Variants in CERT1 observed in about 807,000 individuals in gnomAD.
CERT1 encodes ceramide transporter 1.
CERT1 carries 31 observed loss-of-function variants against 87.9 expected under a neutral mutation model. The observed-to-expected ratio is 0.35, with a 90% CI of 0.27 to 0.48. The LOEUF is 0.48. Ranked by LOEUF, CERT1 falls within the 20% of genes least tolerant of loss-of-function variation. CERT1 has a pLI of 0.99. For synonymous variants in CERT1, 289 were observed against 250.9 expected, an observed-to-expected ratio of 1.15 and a Z score of -1.44; for missense variants, 487 against 758.0, an observed-to-expected ratio of 0.64 and a Z score of 4.20.
chr5:75,464,862 G>A (rs1326757384), intron 2 of CERT1, among the ~76,000 whole-genome samples: 2 of 152,176 alleles, frequency 1.3e-5, no homozygotes. Context: ...AGAGGCATGA[G>A]CCACCGCAAG....
intron 3 of CERT1, among the ~76,000 whole-genome samples, chr5:75,432,168 CA>C (rs1214139065): frequency 2.0e-5 from 3 of 152,028 alleles, no homozygotes; most frequent in Non-Finnish European, 4.4e-5. Flanking sequence ...TCTCTCGCCT[CA>C]GCCTCCTGAA....
chr5:75,488,430 T>G (rs1263189764), intron 2 of CERT1, among the ~76,000 whole-genome samples: 1 of 152,094 alleles, frequency 6.6e-6, no homozygotes, highest in Non-Finnish European at 1.5e-5. Flanking sequence ...AAAGATTTAC[T>G]TTTATATAGA....
Position 75,506,123 on chromosome 5 carries a change from G to A in CERT1, c.97-7C>T. 1.9e-6 allele frequency: 3 copies of A among 1,612,030 alleles called. No individual in the cohort carries two copies. Among genetic ancestry groups the A allele is most frequent in the Non-Finnish European group, 2.5e-6 (3 of 1,178,796 alleles). On this transcript the variant is annotated splice_polypyrimidine_tract_variant and splice_region_variant and intron_variant, in intron 1 of 16. Transcript: ENST00000643780. ...CATGAATGTAGTTTGTCCACTGGGA[G>A]TGGGAAGGGGAAGGGAAGAGAGAAG...
chr5:75,427,116 C>G (rs984276445), intron 3 of CERT1, among the ~76,000 whole-genome samples: 4 of 152,134 alleles, frequency 2.6e-5, no homozygotes, highest in Admixed American at 2.6e-4. Context: ...TCTGTTAAGT[C>G]AGCATCCCAT....
chr5:75,412,770 G>C (rs1474591349), intron 7 of CERT1, among the ~76,000 whole-genome samples: 1 of 152,156 alleles, frequency 6.6e-6, no homozygotes, highest in Non-Finnish European at 1.5e-5. Context: ...CTTATGAATG[G>C]AGCTTGCAGG....
At chr5:75,381,328 C>T (rs766212483) in intron 15 of CERT1, 127 bp from the exon 16 acceptor site, 154 of 1,050,864 alleles carry the variant, frequency 1.5e-4, no homozygotes, top group Middle Eastern at 5.0e-4. Flanking sequence ...CTTATAAGCA[C>T]CAAGCTGATA....
intron 3 of CERT1, among the ~76,000 whole-genome samples, chr5:75,455,377 A>G (rs1174708240): frequency 6.6e-6 from 1 of 152,234 alleles, no homozygotes; most frequent in Non-Finnish European, 1.5e-5. Context: ...AGAATCCCGA[A>G]GCACAGATTT....
chr5:75,452,598 T>TA (rs1228668565), intron 3 of CERT1, among the ~76,000 whole-genome samples: 1 of 152,052 alleles, frequency 6.6e-6, no homozygotes, highest in East Asian at 1.9e-4. Context: ...TCCTATAATT[T>TA]AAAAAAATAA....
At chr5:75,419,518 G>A in intron 5 of CERT1, 94 bp from the exon 6 acceptor site, 2 of 815,804 alleles carry the variant, frequency 2.5e-6, no homozygotes, top group Non-Finnish European at 4.0e-6. Flanking sequence ...TCTGGATTCT[G>A]ATTCTGAGTA....
rs145140123 is a variant in CERT1 at position 75,450,813 on chromosome 5, T to C, written c.348+8252A>G. On this transcript the variant is annotated intron_variant, in intron 3 of 16. Coordinates refer to ENST00000643780, the MANE Select transcript of CERT1 (RefSeq NM_001379029.1). ...AGCTTCCCACCCCTTCCAAGTTTTC[T>C]GGCTTTTCTGGACTGAACCAATGTA... Among the ~76,000 whole-genome samples the C allele has an allele frequency of 2.1e-3, 317 of 152,340 alleles. 1 individual carries two copies. The East Asian group carries it at 0.028, about 13-fold the overall frequency.
At chr5:75,511,075 T>A in intron 1 of CERT1, 37 bp downstream of exon 1, 1 of 1,500,388 alleles carries the variant, frequency 6.7e-7, no homozygotes, top group Non-Finnish European at 8.9e-7. Flanking sequence ...TGCAGGTGAG[T>A]CTGGCCAGGG....
chr5:75,413,725 ACAACAT>A (rs1763023773), intron 7 of CERT1, among the ~76,000 whole-genome samples: 1 of 152,150 alleles, frequency 6.6e-6, no homozygotes, highest in South Asian at 2.1e-4. Context: ...TCAAGAGTGA[ACAACAT>A]CAACAACACC....
intron 3 of CERT1, among the ~76,000 whole-genome samples, chr5:75,456,287 C>T (rs559927572): frequency 6.6e-6 from 1 of 152,222 alleles, no homozygotes; most frequent in East Asian, 1.9e-4. Context: ...AGTTGGCATA[C>T]ATCACATATT....
At chr5:75,382,941 T>C (rs1356029036) in intron 14 of CERT1, among the ~76,000 whole-genome samples, 1 of 151,978 alleles carries the variant, frequency 6.6e-6, no homozygotes, top group South Asian at 2.1e-4. Flanking sequence ...GATGATAAGA[T>C]AGAAATTTAA....
intron 2 of CERT1, among the ~76,000 whole-genome samples, chr5:75,495,904 AAAACTT>A (rs1561303629): frequency 6.6e-6 from 1 of 152,128 alleles, no homozygotes; most frequent in African/African-American, 2.4e-5. Context: ...CATGTACCCT[AAAACTT>A]AAAGTATAAT....
intron 3 of CERT1, among the ~76,000 whole-genome samples, chr5:75,458,122 T>C (rs1240274113): frequency 1.3e-5 from 2 of 152,118 alleles, no homozygotes; most frequent in South Asian, 2.1e-4. Context: ...AAGAATGACA[T>C]GGTGGATTTA....
chr5:75,489,936 T>C (rs1766698022), intron 2 of CERT1, among the ~76,000 whole-genome samples: 1 of 152,128 alleles, frequency 6.6e-6, no homozygotes, highest in African/African-American at 2.4e-5. Context: ...TGCAGCACTA[T>C]TCACAACAGC....
chr5:75,422,562 AGC>A (rs1457832970), intron 5 of CERT1, among the ~76,000 whole-genome samples: 2 of 152,156 alleles, frequency 1.3e-5, no homozygotes, highest in Non-Finnish European at 2.9e-5. Context: ...GGTTGCAGTG[AGC>A]CAAGATTGTG....
chr5:75,476,914 GA>G (rs911759828), intron 2 of CERT1, among the ~76,000 whole-genome samples: 37 of 150,980 alleles, frequency 2.5e-4, no homozygotes, highest in Middle Eastern at 3.4e-3. Context: ...CGAGATGGGG[GA>G]AAAAAAAATC....
Sources: gnomAD v4.1 joint callset for allele counts (sites outside exome capture counted in the v4.1 genomes callset) on GRCh38, gnomAD v4.1.1 for gene constraint, MANE v1.5 for transcripts, NCBI Gene and HGNC (gene_info 2026-07-23, HGNC 2026-07-21) for gene names.